Variants in ADGRF4 observed in about 807,000 individuals in gnomAD.
The protein encoded by ADGRF4 is G-protein coupled receptor PGR18.
A neutral mutation model predicts 58.5 loss-of-function variants in ADGRF4; 63 were observed. The ratio of observed to expected loss-of-function variants is 1.08; its 90% CI spans 0.88 to 1.33. The LOEUF (loss-of-function observed/expected upper bound fraction) is 1.33, where lower values mean the gene tolerates loss of function less well. Ranked by LOEUF, ADGRF4 falls within the 40% of genes most tolerant of loss-of-function variation. The probability of loss-of-function intolerance (pLI) is 0.00; values close to 1 mark genes in which losing one functional copy is unlikely to be tolerated. For synonymous variants in ADGRF4, 313 were observed against 295.4 expected, an observed-to-expected ratio of 1.06 and a Z score of -0.61; for missense variants, 931 against 843.9, an observed-to-expected ratio of 1.10 and a Z score of -1.28.
At position 47,715,101 on chromosome 6, in the gene ADGRF4, G is replaced by C; in HGVS notation, c.1856G>C (p.Gly619Ala). 6.2e-7 allele frequency: 1 copy of C among 1,608,430 alleles called. No individual in the cohort carries two copies. ...ACTCCACTGCTGGGACTGACCTGGGGTTTTGGAATAGCCACTCTCATAGAA... is the reference window on the plus strand; with the variant it reads ...ACTCCACTGCTGGGACTGACCTGGGCTTTTGGAATAGCCACTCTCATAGAA... The part of the protein sequence containing the change: ...ILTPLLGLTW[G>A]FGIATLIEGT... The change falls in exon 6 of 10, where the codon GGT becomes GCT. Residue 619 changes from glycine to alanine, a missense_variant. Gly to Ala is a moderately conservative substitution (Grantham distance 60). Coordinates refer to ENST00000283303, the MANE Select transcript of ADGRF4 (RefSeq NM_153838.5).
intron 1 of ADGRF4, 114 bp from the exon 2 acceptor site, chr6:47,707,116 T>C: frequency 1.5e-6 from 1 of 669,788 alleles, no homozygotes; most frequent in South Asian, 1.8e-5. Context: ...TGCTTTGGCA[T>C]GACTATCTCA....
rs199642126 is a variant in ADGRF4 at position 47,716,844 on chromosome 6, C to G, written c.1971C>G (p.His657Gln). ...TGCTGTTTGGAACCATTATGGATCA[C>G]AAGGTAATTTGAATTTGCTTCCTCC... ...FILLFGTIMD[H>Q]KIRDALRMRM... is the part of the protein sequence containing the mutation. The change falls in exon 7 of 10, where the codon CAC becomes CAG. Residue 657 changes from histidine to glutamine, a missense_variant. Coordinates refer to ENST00000283303, the MANE Select transcript of ADGRF4 (RefSeq NM_153838.5). 1 of 1,595,128 alleles carries G rather than the reference C, an allele frequency of 6.3e-7. No individual in the cohort carries two copies. Among genetic ancestry groups the G allele is most frequent in the South Asian group, 1.1e-5 (1 of 87,922 alleles).
At chr6:47,703,523 T>C (rs576311768) in intron 1 of ADGRF4, among the ~76,000 whole-genome samples, 3 of 152,326 alleles carry the variant, frequency 2.0e-5, no homozygotes, top group Admixed American at 2.0e-4. Flanking sequence ...TCCTCTTGGG[T>C]AATGTCACTG....
intron 2 of ADGRF4, among the ~76,000 whole-genome samples, chr6:47,707,574 G>T (rs1484849373): frequency 6.6e-6 from 1 of 152,212 alleles, no homozygotes; most frequent in Non-Finnish European, 1.5e-5. Flanking sequence ...AATGTAGATA[G>T]AATGTAGATA....
At chr6:47,706,431 T>C (rs113562119) in intron 1 of ADGRF4, among the ~76,000 whole-genome samples, 2 of 152,182 alleles carry the variant, frequency 1.3e-5, no homozygotes, top group African/African-American at 4.8e-5. Context: ...GACGGTTGGG[T>C]TTATTAATTT....
intron 6 of ADGRF4, chr6:47,715,413 G>T: frequency 2.4e-6 from 1 of 411,864 alleles, no homozygotes; most frequent in Non-Finnish European, 4.3e-6. Flanking sequence ...CCCTACTAAA[G>T]TTTCAATGTT....
At position 47,714,365 on chromosome 6, in the gene ADGRF4, G is replaced by A. The variant is rs1771950556; in HGVS notation, c.1120G>A (p.Val374Met). The change falls in exon 6 of 10, where the codon GTG becomes ATG. Residue 374 changes from valine (V) to methionine (M), a missense_variant. Coordinates refer to ENST00000283303, the MANE Select transcript of ADGRF4 (RefSeq NM_153838.5). Reference sequence around the variant, plus strand: ...AATGATGTTGGATATCAGGAACGAAGTGAAATGCCGCTGTAACTACACCAG... The same window carrying A: ...AATGATGTTGGATATCAGGAACGAAATGAAATGCCGCTGTAACTACACCAG... ...CQMMLDIRNE[V>M]KCRCNYTSVV... 6.2e-7 allele frequency: 1 copy of A among 1,614,200 alleles called. No individual in the cohort carries two copies. The highest frequency in any genetic ancestry group is 8.5e-7 in the Non-Finnish European group (1 of 1,180,026).
chr6:47,717,531 T>C (rs1772052342), intron 8 of ADGRF4, among the ~76,000 whole-genome samples, 180 bp downstream of exon 8: 1 of 152,196 alleles, frequency 6.6e-6, no homozygotes, highest in Non-Finnish European at 1.5e-5. Flanking sequence ...TGAAGGTCAG[T>C]GGAATATACC....
intron 4 of ADGRF4, 111 bp from the exon 5 acceptor site, chr6:47,712,246 T>C (rs2113902596): frequency 9.5e-7 from 1 of 1,050,648 alleles, no homozygotes; most frequent in Non-Finnish European, 1.4e-6. Context: ...TTTTTAGGAC[T>C]CTTTGCTTCT....
chr6:47,708,033 C>G (rs528921886), intron 2 of ADGRF4, among the ~76,000 whole-genome samples, 191 bp from the exon 3 acceptor site: 6 of 152,188 alleles, frequency 3.9e-5, no homozygotes, highest in Non-Finnish European at 4.4e-5. Context: ...TATCAGAGGG[C>G]GTGCATTCTC....
intron 1 of ADGRF4, among the ~76,000 whole-genome samples, chr6:47,702,948 A>G (rs1771622020): frequency 6.6e-6 from 1 of 152,182 alleles, no homozygotes; most frequent in East Asian, 1.9e-4. Context: ...AGGCTCCCAT[A>G]TGAAAGCTTC....
intron 1 of ADGRF4, among the ~76,000 whole-genome samples, chr6:47,700,354 T>A (rs1313520400): frequency 6.6e-6 from 1 of 152,190 alleles, no homozygotes; most frequent in Non-Finnish European, 1.5e-5. Flanking sequence ...AGTCATCCCC[T>A]ACAATTCCAT....
Position 47,707,408 on chromosome 6 carries a change from A to T in ADGRF4, c.93+70A>T, listed in dbSNP as rs1435199738. 5 of 854,008 alleles carry T rather than the reference A, an allele frequency of 5.9e-6. No homozygotes were observed. The African/African-American group carries it at 8.3e-5, about 14-fold the overall frequency. The allele number at this position is 854,008 out of a possible 1,614,324, so 52.9% of individuals were successfully genotyped here. ...GTTGCCCTCAATGGCAAGACTTCTG[A>T]TAAATAAGATGTCATTTTAAATACA... is the stretch of plus-strand genomic sequence containing the variant. On this transcript the variant is annotated intron_variant, in intron 2 of 9. Coordinates refer to ENST00000283303, the MANE Select transcript of ADGRF4 (RefSeq NM_153838.5).
Position 47,707,210 on chromosome 6 carries a change from G to A in ADGRF4, c.-16-20G>A. ...GAAGTTGTCACCTTCAGGTGGGTAT[G>A]CCTTCTTTCTCTATTGCAGGTGAAG... On this transcript the variant is annotated intron_variant, in intron 1 of 9. Transcript: ENST00000283303. 1 of 1,347,616 alleles carries A rather than the reference G, an allele frequency of 7.4e-7. No individual in the cohort carries two copies. The highest frequency in any genetic ancestry group is 1.1e-6 in the Non-Finnish European group (1 of 937,154). 83.5% of individuals were successfully genotyped at this position (1,347,616 alleles called of 1,614,324 possible). A position where few individuals can be genotyped will look rare whatever the true frequency, so the allele number is the denominator to read the frequency against.
chr6:47,705,105 T>C (rs1338180940), intron 1 of ADGRF4, among the ~76,000 whole-genome samples: 1 of 152,168 alleles, frequency 6.6e-6, no homozygotes, highest in Non-Finnish European at 1.5e-5. Flanking sequence ...ATTTTTTGTA[T>C]TTTCAGTAGA....
chr6:47,716,217 C>CCTGTGACTTACCAT lies in ADGRF4; in HGVS notation c.1933-587_1933-586insGTGACTTACCATCT, dbSNP rs373147196. ...ATTTCTCCTTTCTCAGCAAGCTCTT[C>CCTGTGACTTACCAT]CTAAAATTTTAATCTGATGAGTGTT... is the stretch of plus-strand genomic sequence containing the variant. On this transcript the variant is annotated intron_variant, in intron 6 of 9. Transcript: ENST00000283303. Among the ~76,000 whole-genome samples, 661 of 152,270 alleles carry CCTGTGACTTACCAT rather than the reference C, an allele frequency of 4.3e-3. 3 individuals carry two copies. Among genetic ancestry groups the CCTGTGACTTACCAT allele is most frequent in the African/African-American group, 0.014 (576 of 41,564 alleles).
chr6:47,711,376 C>T (rs1771864706), intron 4 of ADGRF4, among the ~76,000 whole-genome samples: 1 of 152,152 alleles, frequency 6.6e-6, no homozygotes, highest in African/African-American at 2.4e-5. Flanking sequence ...AATTTTCCTG[C>T]CTCAGCCTCC....
At chr6:47,707,028 C>G (rs765603623) in intron 1 of ADGRF4, among the ~76,000 whole-genome samples, 20 of 152,148 alleles carry the variant, frequency 1.3e-4, no homozygotes, top group African/African-American at 4.8e-4. Flanking sequence ...GAAAAGTTAA[C>G]AGTTGAGAGA....
At chr6:47,707,094 T>C in intron 1 of ADGRF4, 136 bp from the exon 2 acceptor site, 1 of 609,898 alleles carries the variant, frequency 1.6e-6, no homozygotes, top group Admixed American at 2.7e-5. Context: ...GGTGTGCTTT[T>C]CCAGGGCAGG....
Sources: allele counts gnomAD v4.1 joint callset (sites outside exome capture counted in the v4.1 genomes callset), GRCh38; gene constraint gnomAD v4.1.1; transcripts MANE v1.5; gene names NCBI Gene and HGNC (gene_info 2026-07-23, HGNC 2026-07-21).